WEE1: variants seen among roughly 807,000 people sequenced by gnomAD.
WEE1 encodes WEE1 G2 checkpoint kinase, also known as wee1-like protein kinase.
In WEE1, 16 loss-of-function variants were observed where a neutral mutation model predicts 68.8. The observed-to-expected ratio is 0.23, with a 90% CI of 0.16 to 0.35. WEE1 has a LOEUF of 0.35. WEE1 is among the 10% of genes least tolerant of loss of function. The pLI is 1.00. For synonymous variants in WEE1, 349 were observed against 318.7 expected (o/e 1.09, Z -1.01); for missense variants, 651 against 824.1 (o/e 0.79, Z 2.57).
chr11:9,583,802 CATATATATAT>C (rs371859938), intron 6 of WEE1, among the ~76,000 whole-genome samples: 60 of 17,782 alleles, frequency 3.4e-3, no homozygotes, highest in African/African-American at 6.7e-3. Context: ...CACACACACA[CATATATATAT>C]ATATATATAT....
At chr11:9,583,802 CATATATATATATATATATATAT>C (rs371859938) in intron 6 of WEE1, among the ~76,000 whole-genome samples, 27 of 17,858 alleles carry the variant, frequency 1.5e-3, no homozygotes, top group Middle Eastern at 0.036. Context: ...CACACACACA[CATATATATATATATATATATAT>C]ATATATATAT....
At chr11:9,575,149 C>T (rs960134228) in intron 1 of WEE1, 2 of 985,392 alleles carry the variant, frequency 2.0e-6, no homozygotes, top group Non-Finnish European at 2.4e-6. Context: ...TTGTTTTTAT[C>T]GTGGGTTTGC....
chr11:9,574,715 A>G lies in WEE1; in HGVS notation c.576+206A>G. 1 of 1,069,632 alleles carries G rather than the reference A, an allele frequency of 9.3e-7. No individual in the cohort carries two copies. Among genetic ancestry groups the G allele is most frequent in the Non-Finnish European group, 1.1e-6 (1 of 885,716 alleles). 66.3% of individuals were successfully genotyped at this position (1,069,632 alleles called of 1,614,324 possible). A position where few individuals can be genotyped will look rare whatever the true frequency, so the allele number is the denominator to read the frequency against. ...TAACTGAACAATGGGCCTCGTCTGG[A>G]ACTTCATCTTACAAAGGGGCCGATC... On this transcript the variant is annotated intron_variant, in intron 1 of 10. Coordinates refer to ENST00000450114, the MANE Select transcript of WEE1 (RefSeq NM_003390.4). This position sits in a 1 kb window ranked among gnomAD's most constrained non-coding sequence, Gnocchi z 4.9.
intron 5 of WEE1, chr11:9,577,529 A>G (rs1047677495): frequency 7.5e-6 from 3 of 402,542 alleles, no homozygotes; most frequent in African/African-American, 2.0e-5. Context: ...GCCTCGACAC[A>G]TATATTTTGG....
At chr11:9,575,013 A>G (rs1849548875) in intron 1 of WEE1, 10 of 985,830 alleles carry the variant, frequency 1.0e-5, no homozygotes, top group Non-Finnish European at 1.1e-5. Flanking sequence ...GGTCTGGGGC[A>G]TGCAGGGAGA....
At chr11:9,584,900 C>T (rs1288701089) in intron 6 of WEE1, among the ~76,000 whole-genome samples, 1 of 152,102 alleles carries the variant, frequency 6.6e-6, no homozygotes, top group African/African-American at 2.4e-5. Context: ...CATAGTGAAA[C>T]CCCGTCTCTA....
At chr11:9,581,954 C>T (rs575615970) in intron 6 of WEE1, among the ~76,000 whole-genome samples, 1 of 152,364 alleles carries the variant, frequency 6.6e-6, no homozygotes, top group Admixed American at 6.5e-5. Context: ...ACTTCCCCAT[C>T]CCGTGCTCAA....
Position 9,574,756 on chromosome 11 carries a change from C to A in WEE1, c.576+247C>A, listed in dbSNP as rs1223509836. On this transcript the variant is annotated intron_variant, in intron 1 of 10. Transcript: ENST00000450114. The surrounding 1 kb of genome is among the most constrained non-coding windows in gnomAD (Gnocchi z 4.9). The stretch of plus-strand genomic sequence containing the variant: ...GGGGCCGATCGGCCCGTCCGGGTGG[C>A]CAAGGATTTGCCGCCCGTTGAGTCC... 4 of 1,025,754 alleles carry A rather than the reference C, an allele frequency of 3.9e-6. No individual in the cohort carries two copies. In the East Asian group the frequency reaches 3.5e-4, roughly 90 times the overall value. The allele number at this position is 1,025,754 out of a possible 1,614,324, so 63.5% of individuals were successfully genotyped here.
At chr11:9,581,425 T>TAGG (rs1291944002) in intron 5 of WEE1, 107 bp from the exon 6 acceptor site, 1 of 1,101,776 alleles carries the variant, frequency 9.1e-7, no homozygotes, top group African/African-American at 1.6e-5. Context: ...TCCTATAAAA[T>TAGG]AACACTTTCT....
chr11:9,581,989 G>C (rs991973354), intron 6 of WEE1, among the ~76,000 whole-genome samples: 1 of 152,202 alleles, frequency 6.6e-6, no homozygotes, highest in African/African-American at 2.4e-5. Flanking sequence ...TCAGTCTTCC[G>C]AGTAGCCGGG....
chr11:9,580,526 C>G (rs149671288), intron 5 of WEE1: 6 of 146,310 alleles, frequency 4.1e-5, no homozygotes, highest in Admixed American at 7.1e-5. Context: ...TGCAATGGCC[C>G]GATATCGGCT....
rs944778857 is a variant in WEE1, at chr11:9,574,035, G to A, written c.102G>A (p.Glu34=). ...KLIFSPCSDC[E]EEEEEEEEEG... ...TCTTCTCGCCCTGCAGCGACTGTGA[G>A]GAGGAGGAAGAAGAGGAGGAGGAGG... is the stretch of plus-strand genomic sequence containing the variant. Residue 34 remains glutamate, a synonymous_variant, in exon 1 of 11, where the codon GAG becomes GAA. Transcript: ENST00000450114. The surrounding 1 kb of genome is among the most constrained non-coding windows in gnomAD (Gnocchi z 4.9). 7.9e-7 allele frequency: 1 copy of A among 1,266,074 alleles called. No individual in the cohort carries two copies. The highest frequency in any genetic ancestry group is 2.7e-5 in the South Asian group (1 of 37,136). The allele number at this position is 1,266,074 out of a possible 1,614,324, so 78.4% of individuals were successfully genotyped here.
At position 9,574,858 on chromosome 11, in the gene WEE1, G is replaced by T; in HGVS notation, c.576+349G>T. 1.0e-6 allele frequency: 1 copy of T among 989,028 alleles called. No homozygotes were observed. Among genetic ancestry groups the T allele is most frequent in the Non-Finnish European group, 1.2e-6 (1 of 832,378 alleles). 61.3% of individuals were successfully genotyped at this position (989,028 alleles called of 1,614,324 possible). On this transcript the variant is annotated intron_variant, in intron 1 of 10. Coordinates refer to ENST00000450114, the MANE Select transcript of WEE1 (RefSeq NM_003390.4). The surrounding 1 kb of genome is among the most constrained non-coding windows in gnomAD (Gnocchi z 4.9). ...CGAGGATGCTGGAGGGTGCCGGCCC[G>T]GCCACCTGACACTCCCGAGCCATAG...
In WEE1 at chr11:9,574,571, GCTGC is replaced by G; in HGVS notation, c.576+66_576+69del. ...CCGCGGCGCCGGAGGGGCCAGCGCC[GCTGC>G]CTGGGTTCGGTTACAGAAGCGGCCG... On this transcript the variant is annotated intron_variant, in intron 1 of 10. Transcript: ENST00000450114. This position sits in a 1 kb window ranked among gnomAD's most constrained non-coding sequence, Gnocchi z 4.9. 1 of 1,154,128 alleles carries G rather than the reference GCTGC, an allele frequency of 8.7e-7. No homozygotes were observed. The highest frequency in any genetic ancestry group is 1.1e-6 in the Non-Finnish European group (1 of 939,948). 71.5% of individuals were successfully genotyped at this position (1,154,128 alleles called of 1,614,324 possible).
At chr11:9,585,769 G>C (rs1176749296) in intron 8 of WEE1, among the ~76,000 whole-genome samples, 1 of 152,102 alleles carries the variant, frequency 6.6e-6, no homozygotes, top group Non-Finnish European at 1.5e-5. Flanking sequence ...TATCCTTTTT[G>C]GAGATCAGAG....
Position 9,585,164 on chromosome 11 carries a change from A to G in WEE1, c.1289-94A>G, listed in dbSNP as rs889237710. 3.0e-6 allele frequency: 3 copies of G among 1,000,458 alleles called. No individual in the cohort carries two copies. The African/African-American group carries it at 4.9e-5, about 16-fold the overall frequency. The allele number at this position is 1,000,458 out of a possible 1,614,324, so 62.0% of individuals were successfully genotyped here. ...GCTAGAACTTGAGAATCGGCATTTTAAAAAGCATTATGGATGATTCTGGTA... is the reference window on the plus strand; with the variant it reads ...GCTAGAACTTGAGAATCGGCATTTTGAAAAGCATTATGGATGATTCTGGTA... On this transcript the variant is annotated intron_variant, in intron 6 of 10. Transcript: ENST00000450114.
intron 5 of WEE1, chr11:9,579,342 A>G (rs1381463210): frequency 6.6e-6 from 1 of 152,150 alleles, no homozygotes; most frequent in Non-Finnish European, 1.5e-5. Flanking sequence ...GAATATACCA[A>G]TAGGGCTCAT....
rs555717130 is a variant in WEE1, at chr11:9,576,679, T to C, written c.1019+20T>C. ...TGATGAGTATGTATTAAACATTTTGTCTTTTGCTCTTTTGTCCCCTATGGT... is the reference window on the plus strand; with the variant it reads ...TGATGAGTATGTATTAAACATTTTGCCTTTTGCTCTTTTGTCCCCTATGGT... On this transcript the variant is annotated intron_variant, in intron 4 of 10. Coordinates refer to ENST00000450114, the MANE Select transcript of WEE1 (RefSeq NM_003390.4). The surrounding 1 kb of genome is among the most constrained non-coding windows in gnomAD (Gnocchi z 4.3). 1.6e-4 allele frequency: 256 copies of C among 1,599,210 alleles called. 2 individuals carry two copies. In the South Asian group the frequency reaches 2.9e-3, roughly 18 times the overall value.
rs1849536257 is a variant in WEE1, at chr11:9,574,140, G to T, written c.207G>T (p.Thr69=). Residue 69 remains threonine (T), a synonymous_variant, in exon 1 of 11, where the codon ACG becomes ACT. Coordinates refer to ENST00000450114, the MANE Select transcript of WEE1 (RefSeq NM_003390.4). This position sits in a 1 kb window ranked among gnomAD's most constrained non-coding sequence, Gnocchi z 4.9. ...DSPLPPARSP[T]EPGPERRRSP... ...CGCTGCCGCCCGCGCGGAGCCCCAC[G>T]GAGCCCGGGCCCGAGCGCCGCCGCT... 4 of 1,204,420 alleles carry T rather than the reference G, an allele frequency of 3.3e-6. No individual in the cohort carries two copies. Among genetic ancestry groups the T allele is most frequent in the African/African-American group, 1.6e-5 (1 of 62,352 alleles). 74.6% of individuals were successfully genotyped at this position (1,204,420 alleles called of 1,614,324 possible). A position where few individuals can be genotyped will look rare whatever the true frequency, so the allele number is the denominator to read the frequency against.
Sources: allele counts gnomAD v4.1 joint callset (sites outside exome capture counted in the v4.1 genomes callset), GRCh38; gene constraint gnomAD v4.1.1; non-coding constraint Gnocchi (gnomAD v3.1); transcripts MANE v1.5; gene names NCBI Gene and HGNC (gene_info 2026-07-23, HGNC 2026-07-21).